The following DLGAP2 variants were observed in gnomAD, a reference collection of about 807,000 sequenced individuals.
DLGAP2 encodes disks large-associated protein 2.
A neutral mutation model predicts 100.3 loss-of-function variants in DLGAP2; 26 were observed. The observed-to-expected ratio is 0.26, with a 90% confidence interval of 0.19 to 0.36. The LOEUF (loss-of-function observed/expected upper bound fraction) is 0.36, where lower values mean the gene tolerates loss of function less well. Among genes scored for constraint, DLGAP2 ranks in the 10% least tolerant of loss-of-function variants. DLGAP2 has a pLI of 1.00. For synonymous variants in DLGAP2, 886 were observed against 630.1 expected (o/e 1.41, Z -6.08); for missense variants, 1,858 against 1,453.2 (o/e 1.28, Z -4.53).
At chr8:1,037,610 A>G (rs1802172604) in intron 2 of DLGAP2, among the ~76,000 whole-genome samples, 1 of 152,186 alleles carries the variant, frequency 6.6e-6, no homozygotes, top group South Asian at 2.1e-4. Context: ...TTTGTTCTCT[A>G]CAAAATGTAG....
rs1218356255 is a variant in DLGAP2, at chr8:1,565,722, A to G, written c.1270A>G (p.Lys424Glu). 1.9e-6 allele frequency: 3 copies of G among 1,613,566 alleles called. No individual in the cohort carries two copies. The Admixed American group carries it at 5.0e-5, about 27-fold the overall frequency. Reference protein sequence around the residue: ...DEWGGYPTGGKDEEIPCRRMR... With the variant: ...DEWGGYPTGGEDEEIPCRRMR... Reference sequence around the variant, plus strand: ...GTGGGGAGGGTACCCCACCGGTGGCAAAGATGAGGAGATTCCCTGCAGGAG... The same window carrying G: ...GTGGGGAGGGTACCCCACCGGTGGCGAAGATGAGGAGATTCCCTGCAGGAG... The change falls in exon 6 of 15, where the codon AAA becomes GAA. Residue 424 changes from lysine to glutamate, a missense_variant. Physicochemically the swap from Lys to Glu is moderately conservative, Grantham distance 56. Coordinates refer to ENST00000637795, the MANE Select transcript of DLGAP2 (RefSeq NM_001346810.2).
intron 2 of DLGAP2, among the ~76,000 whole-genome samples, chr8:1,128,616 C>G (rs1175944115): frequency 1.3e-5 from 2 of 152,160 alleles, no homozygotes; most frequent in Non-Finnish European, 2.9e-5. Context: ...TCTGATGTTC[C>G]CACCATGACC....
intron 3 of DLGAP2, among the ~76,000 whole-genome samples, chr8:1,372,933 T>C (rs993830370): frequency 2.0e-5 from 3 of 152,196 alleles, no homozygotes; most frequent in Non-Finnish European, 4.4e-5. Context: ...TCTGAGTGTG[T>C]TATTCCATGT....
chr8:1,596,739 T>A (rs1387986788), intron 6 of DLGAP2, among the ~76,000 whole-genome samples: 1 of 152,252 alleles, frequency 6.6e-6, no homozygotes, highest in Non-Finnish European at 1.5e-5. Flanking sequence ...TTTTTTCTTG[T>A]AAATTTGTTA....
intron 2 of DLGAP2, among the ~76,000 whole-genome samples, chr8:1,056,692 G>A (rs1802892359): frequency 6.6e-6 from 1 of 152,204 alleles, no homozygotes; most frequent in African/African-American, 2.4e-5. Flanking sequence ...CATCAGCTCT[G>A]GAGTCAGACT....
intron 14 of DLGAP2, 50 bp downstream of exon 14, chr8:1,697,349 G>C: frequency 6.5e-7 from 1 of 1,539,390 alleles, no homozygotes; most frequent in Non-Finnish European, 8.8e-7. Flanking sequence ...CTTTCTCACT[G>C]CACTAACGAC....
chr8:1,129,323 G>A (rs948309787), intron 2 of DLGAP2, among the ~76,000 whole-genome samples: 2 of 151,324 alleles, frequency 1.3e-5, no homozygotes, highest in South Asian at 4.2e-4. Flanking sequence ...GAATTGTTTG[G>A]ACCCGGGAGG....
chr8:1,585,396 G>C (rs1479131160), intron 6 of DLGAP2, among the ~76,000 whole-genome samples: 1 of 152,166 alleles, frequency 6.6e-6, no homozygotes, highest in African/African-American at 2.4e-5. Flanking sequence ...TCTGGGAGGC[G>C]GAGGTTGCAG....
intron 5 of DLGAP2, among the ~76,000 whole-genome samples, chr8:1,561,498 G>T (rs144304045): frequency 6.6e-6 from 1 of 152,130 alleles, no homozygotes; most frequent in East Asian, 1.9e-4. Flanking sequence ...TCTGGGTGGA[G>T]GGAGAATCTG....
intron 2 of DLGAP2, among the ~76,000 whole-genome samples, chr8:1,107,940 C>T (rs1314973603): frequency 2.0e-5 from 3 of 152,140 alleles, no homozygotes; most frequent in Admixed American, 6.5e-5. Context: ...AGAACGTAAC[C>T]CTGGGTTGTG....
chr8:829,632 A>G (rs180719487), intron 1 of DLGAP2, among the ~76,000 whole-genome samples: 1 of 152,340 alleles, frequency 6.6e-6, no homozygotes, highest in Non-Finnish European at 1.5e-5. Context: ...CTTTTTTCAA[A>G]CTATGTAAGC....
intron 3 of DLGAP2, among the ~76,000 whole-genome samples, chr8:1,320,513 C>T (rs374120495): frequency 9.2e-5 from 14 of 152,150 alleles, no homozygotes; most frequent in East Asian, 5.8e-4. Context: ...GGGCAACATA[C>T]GGGCACAGAG....
intron 8 of DLGAP2, among the ~76,000 whole-genome samples, chr8:1,645,751 A>G (rs762749177): frequency 3.3e-5 from 5 of 152,212 alleles, no homozygotes; most frequent in Non-Finnish European, 5.9e-5. Flanking sequence ...CATGGGTTTC[A>G]AGAGTCATTG....
intron 3 of DLGAP2, among the ~76,000 whole-genome samples, chr8:1,318,196 C>T (rs1021298350): frequency 3.3e-5 from 5 of 152,178 alleles, no homozygotes; most frequent in Non-Finnish European, 7.3e-5. Context: ...CTACAAATGG[C>T]TTTGCTGCTT....
At chr8:1,157,234 A>G (rs2129052243) in intron 2 of DLGAP2, among the ~76,000 whole-genome samples, 1 of 152,038 alleles carries the variant, frequency 6.6e-6, no homozygotes, top group African/African-American at 2.4e-5. Context: ...GGGAGCATTC[A>G]CGCGATTCCC....
At chr8:1,701,133 G>T in intron 14 of DLGAP2, 55 bp from the exon 15 acceptor site, 2 of 1,502,732 alleles carry the variant, frequency 1.3e-6, no homozygotes, top group Non-Finnish European at 8.9e-7. Flanking sequence ...GAGCTCGCGA[G>T]CTGCTGGGAC....
At chr8:820,075 G>A (rs1413924052) in intron 1 of DLGAP2, among the ~76,000 whole-genome samples, 2 of 152,214 alleles carry the variant, frequency 1.3e-5, no homozygotes, top group African/African-American at 2.4e-5. Context: ...TCAATCTGTA[G>A]AACAAACTGT....
intron 6 of DLGAP2, among the ~76,000 whole-genome samples, chr8:1,587,720 A>C (rs987734415): frequency 1.3e-5 from 2 of 152,118 alleles, no homozygotes; most frequent in Non-Finnish European, 2.9e-5. Context: ...TCTTTCTTTA[A>C]ATTACTTTTT....
chr8:1,662,534 G>A lies in DLGAP2; in HGVS notation c.1811-5795G>A, dbSNP rs550380120. Among the ~76,000 whole-genome samples, 35 of 152,270 alleles carry A rather than the reference G, an allele frequency of 2.3e-4. 1 individual carries two copies. The South Asian group carries it at 2.5e-3, about 11-fold the overall frequency. On this transcript the variant is annotated intron_variant, in intron 8 of 14. Transcript: ENST00000637795. The stretch of plus-strand genomic sequence containing the variant: ...AGAAATAAGGTTCTGCTATGTAAAT[G>A]GTCACAAAAAAGAAAACTAGACTCA...
Sources: gnomAD v4.1 joint callset for allele counts (sites outside exome capture counted in the v4.1 genomes callset) on GRCh38, gnomAD v4.1.1 for gene constraint, MANE v1.5 for transcripts, NCBI Gene and HGNC (gene_info 2026-07-23, HGNC 2026-07-21) for gene names.